CNGB3: variants seen among roughly 807,000 people sequenced by gnomAD.
The protein encoded by CNGB3 is cyclic nucleotide gated channel subunit beta 3.
A neutral mutation model predicts 92.8 loss-of-function variants in CNGB3; 86 were observed. That is an observed-to-expected ratio of 0.93 (90% CI 0.78 to 1.11). CNGB3 has a LOEUF of 1.11. Ranked by LOEUF, CNGB3 falls within the 50% of genes least tolerant of loss-of-function variation. The pLI is 0.00. For synonymous variants in CNGB3, 333 were observed against 332.7 expected, an observed-to-expected ratio of 1.00 and a Z score of -0.01; for missense variants, 1,026 against 956.8, an observed-to-expected ratio of 1.07 and a Z score of -0.95.
chr8:86,696,442 GT>G (rs988084994), intron 3 of CNGB3, among the ~76,000 whole-genome samples: 6 of 152,198 alleles, frequency 3.9e-5, no homozygotes, highest in African/African-American at 1.4e-4. Context: ...TTTTTGGCTG[GT>G]TTTTGGCATC....
chr8:86,587,623 T>G (rs867333145), intron 15 of CNGB3, among the ~76,000 whole-genome samples: 2,970 of 151,674 alleles, frequency 0.02, 69 homozygotes, highest in African/African-American at 0.066. Context: ...GTTTTTCTCA[T>G]GTTTGTCAAA....
At chr8:86,670,823 A>T in intron 4 of CNGB3, 121 bp downstream of exon 4, 1 of 1,080,868 alleles carries the variant, frequency 9.3e-7, no homozygotes, top group Non-Finnish European at 1.4e-6. Flanking sequence ...CTCTCAAAAT[A>T]AACTGTACGT....
intron 2 of CNGB3, among the ~76,000 whole-genome samples, chr8:86,736,496 G>A (rs185891002): frequency 6.6e-6 from 1 of 152,236 alleles, no homozygotes; most frequent in Admixed American, 6.5e-5. Context: ...TTTCAAAGGT[G>A]TAATCCTTGG....
At chr8:86,588,785 T>C (rs1484646640) in intron 15 of CNGB3, among the ~76,000 whole-genome samples, 2 of 151,866 alleles carry the variant, frequency 1.3e-5, no homozygotes, top group South Asian at 2.1e-4. Flanking sequence ...TCAAGGATAT[T>C]GGTCTAAAAT....
intron 14 of CNGB3, among the ~76,000 whole-genome samples, chr8:86,605,808 G>T (rs1297097699): frequency 1.3e-5 from 2 of 152,100 alleles, no homozygotes; most frequent in Non-Finnish European, 2.9e-5. Context: ...TTACACCTAG[G>T]TTTATTTTCC....
chr8:86,702,643 C>T (rs1237746486), intron 3 of CNGB3, among the ~76,000 whole-genome samples: 1 of 152,100 alleles, frequency 6.6e-6, no homozygotes, highest in African/African-American at 2.4e-5. Flanking sequence ...ATTTTAAAAA[C>T]ATTTCTGCTA....
At chr8:86,599,650 G>A (rs917012082) in intron 15 of CNGB3, among the ~76,000 whole-genome samples, 2 of 152,172 alleles carry the variant, frequency 1.3e-5, no homozygotes, top group African/African-American at 2.4e-5. Context: ...GGTCGCAGCT[G>A]TAGGGTTGAA....
At chr8:86,698,714 A>C (rs1824495485) in intron 3 of CNGB3, among the ~76,000 whole-genome samples, 1 of 152,140 alleles carries the variant, frequency 6.6e-6, no homozygotes, top group African/African-American at 2.4e-5. Context: ...GGGAAGGGGT[A>C]GTTTGTTAGA....
At chr8:86,694,299 C>A (rs1267361867) in intron 3 of CNGB3, among the ~76,000 whole-genome samples, 1 of 148,082 alleles carries the variant, frequency 6.8e-6, no homozygotes, top group Non-Finnish European at 1.5e-5. Context: ...GTAGGGGCGG[C>A]CGGGCTGAGG....
At position 86,661,394 on chromosome 8, in the gene CNGB3, T is replaced by C. The variant is rs923347739; in HGVS notation, c.852+5531A>G. 1.1e-5 allele frequency: 5 copies of C among 440,294 alleles called. No individual in the cohort carries two copies. The Admixed American group carries it at 1.4e-4, about 13-fold the overall frequency. The allele number at this position is 440,294 out of a possible 1,614,324, so 27.3% of individuals were successfully genotyped here. On this transcript the variant is annotated intron_variant, in intron 6 of 17. Transcript: ENST00000320005. ...AAATCATGTAAGAGTTAATTCTCTATCAGGAAGAGGACAAAAAAATTCCAG... is the reference window on the plus strand; with the variant it reads ...AAATCATGTAAGAGTTAATTCTCTACCAGGAAGAGGACAAAAAAATTCCAG...
chr8:86,739,771 A>T (rs1251550655), intron 1 of CNGB3, 35 bp from the exon 2 acceptor site: 2 of 1,602,214 alleles, frequency 1.2e-6, no homozygotes, highest in East Asian at 4.5e-5. Flanking sequence ...TATGTGATGA[A>T]TTTACATAAA....
intron 10 of CNGB3, among the ~76,000 whole-genome samples, chr8:86,635,883 G>T (rs997880228): frequency 9.6e-6 from 1 of 103,856 alleles, no homozygotes; most frequent in African/African-American, 3.5e-5. Flanking sequence ...CATATACTTA[G>T]GCATACTTAA....
intron 15 of CNGB3, among the ~76,000 whole-genome samples, chr8:86,593,493 TC>T (rs1563719113): frequency 6.6e-6 from 1 of 152,190 alleles, no homozygotes; most frequent in African/African-American, 2.4e-5. Context: ...TAAAAGTAAA[TC>T]CCTTTATTTT....
intron 11 of CNGB3, among the ~76,000 whole-genome samples, chr8:86,629,347 A>G (rs1822914716): frequency 6.6e-6 from 1 of 152,206 alleles, no homozygotes. Flanking sequence ...TAAGGACAAC[A>G]ATAAGACCTG....
intron 13 of CNGB3, among the ~76,000 whole-genome samples, chr8:86,622,265 T>C (rs757019435): frequency 5.3e-5 from 8 of 152,186 alleles, no homozygotes; most frequent in Non-Finnish European, 1.0e-4. Flanking sequence ...TCATTCCTTG[T>C]TCATATAACA....
intron 1 of CNGB3, among the ~76,000 whole-genome samples, chr8:86,741,711 G>A (rs746725432): frequency 2.0e-5 from 3 of 152,086 alleles, no homozygotes; most frequent in East Asian, 1.9e-4. Context: ...AGTAGACTTC[G>A]CGATTAATAT....
chr8:86,681,010 T>A (rs1824072166), intron 3 of CNGB3, among the ~76,000 whole-genome samples: 1 of 152,262 alleles, frequency 6.6e-6, no homozygotes, highest in East Asian at 1.9e-4. Context: ...CTGTGTCCAC[T>A]ACAGATATAC....
At chr8:86,671,141 A>G in intron 3 of CNGB3, 43 bp from the exon 4 acceptor site, 1 of 1,601,160 alleles carries the variant, frequency 6.2e-7, no homozygotes, top group South Asian at 1.1e-5. Flanking sequence ...GCCCATGAAG[A>G]AATAGATATA....
chr8:86,600,970 C>A (rs763495752), intron 15 of CNGB3, among the ~76,000 whole-genome samples: 2 of 151,592 alleles, frequency 1.3e-5, no homozygotes, highest in Non-Finnish European at 2.9e-5. Flanking sequence ...GTTGGAGAGA[C>A]CTGTCTGAAC....
Sources: gnomAD v4.1 joint callset for allele counts (sites outside exome capture counted in the v4.1 genomes callset) on GRCh38, gnomAD v4.1.1 for gene constraint, MANE v1.5 for transcripts, NCBI Gene and HGNC (gene_info 2026-07-23, HGNC 2026-07-21) for gene names.